The following PRKG1 variants were observed in gnomAD, a reference collection of about 807,000 sequenced individuals.
The protein encoded by PRKG1 is cGMP-dependent protein kinase 1.
A neutral mutation model predicts 88.1 loss-of-function variants in PRKG1; 35 were observed. That is an observed-to-expected ratio of 0.40 (90% CI 0.30 to 0.53). The LOEUF (loss-of-function observed/expected upper bound fraction) is 0.53. Among genes scored for constraint, PRKG1 ranks in the 20% least tolerant of loss-of-function variants. The probability of loss-of-function intolerance (pLI) is 0.59; values close to 1 mark genes in which losing one functional copy is unlikely to be tolerated. For synonymous variants in PRKG1, 303 were observed against 292.5 expected (o/e 1.04, Z -0.37); for missense variants, 540 against 839.8 (o/e 0.64, Z 4.41).
chr10:51,942,402 T>G (rs1485952777), intron 5 of PRKG1, among the ~76,000 whole-genome samples: 9 of 150,982 alleles, frequency 6.0e-5, no homozygotes, highest in East Asian at 3.9e-4. Context: ...TTTTGTAGGT[T>G]GCCTGTTCAC....
intron 7 of PRKG1, among the ~76,000 whole-genome samples, chr10:52,072,985 G>T (rs966459413): frequency 2.0e-5 from 3 of 152,196 alleles, no homozygotes; most frequent in Non-Finnish European, 2.9e-5. Flanking sequence ...AGGTCTGTAG[G>T]CTAGACATCC....
intron 5 of PRKG1, among the ~76,000 whole-genome samples, chr10:51,939,329 T>A (rs1419806490): frequency 6.6e-6 from 1 of 152,060 alleles, no homozygotes; most frequent in East Asian, 1.9e-4. Context: ...TGAGAATCCT[T>A]CTGCCTTGTT....
intron 3 of PRKG1, among the ~76,000 whole-genome samples, chr10:51,714,429 G>C (rs576519352): frequency 6.6e-6 from 1 of 152,298 alleles, no homozygotes; most frequent in South Asian, 2.1e-4. Flanking sequence ...AATCAGGTGG[G>C]AGACTTAAGG....
chr10:52,271,326 T>C, intron 10 of PRKG1, 24 bp from the exon 11 acceptor site: 1 of 1,608,254 alleles, frequency 6.2e-7, no homozygotes. Context: ...GGCTTTTTCT[T>C]ACTCTCTTCT....
intron 5 of PRKG1, among the ~76,000 whole-genome samples, chr10:52,030,702 G>A (rs775511597): frequency 5.3e-5 from 8 of 152,146 alleles, no homozygotes; most frequent in Admixed American, 6.5e-5. Flanking sequence ...CATAGGACAC[G>A]ACCATGCTAT....
chr10:52,161,936 C>T lies in PRKG1; in HGVS notation c.1049C>T (p.Ala350Val), dbSNP rs1242409005. 1.2e-6 allele frequency: 2 copies of T among 1,612,266 alleles called. No individual in the cohort carries two copies. Among genetic ancestry groups the T allele is most frequent in the Non-Finnish European group, 1.7e-6 (2 of 1,179,284 alleles). ...IGGLDDVSNK[A>V]YEDAEAKAKY... is the part of the protein sequence containing the mutation. ...GGGCTGGATGATGTTTCTAATAAAG[C>T]ATATGAAGATGCAGAAGCTAAAGCA... Residue 350 changes from alanine to valine, a missense_variant, in exon 9 of 18, where the codon GCA (alanine) becomes GTA (valine). Ala to Val is a moderately conservative substitution (Grantham distance 64, BLOSUM62 0). Coordinates refer to ENST00000373980, the MANE Select transcript of PRKG1 (RefSeq NM_006258.4).
intron 8 of PRKG1, 106 bp downstream of exon 8, chr10:52,134,011 T>C: frequency 1.2e-6 from 1 of 842,106 alleles, no homozygotes; most frequent in Non-Finnish European, 1.8e-6. Context: ...TTGTTTTATA[T>C]CTTTTCATTT....
intron 3 of PRKG1, among the ~76,000 whole-genome samples, chr10:51,581,941 A>C (rs772266141): frequency 1.3e-5 from 2 of 152,156 alleles, no homozygotes; most frequent in Non-Finnish European, 2.9e-5. Flanking sequence ...CATTAAAAAA[A>C]AAAATGGGCT....
intron 2 of PRKG1, among the ~76,000 whole-genome samples, chr10:51,389,976 G>A (rs1837355765): frequency 6.6e-6 from 1 of 152,144 alleles, no homozygotes. Flanking sequence ...CAGTCCACTG[G>A]CCATATGCAA....
rs569706342 is a variant in PRKG1, at chr10:52,282,518, A to C, written c.1709+202A>C. The stretch of plus-strand genomic sequence containing the variant: ...GGCTAGGGCAACCACCTGAACACTA[A>C]CTTTTGGTCTCATTATTGCTACTTC... On this transcript the variant is annotated intron_variant, in intron 14 of 17. Coordinates refer to ENST00000373980, the MANE Select transcript of PRKG1 (RefSeq NM_006258.4). Among the ~76,000 whole-genome samples, 9 of 152,236 alleles carry C rather than the reference A, an allele frequency of 5.9e-5. No homozygotes were observed. The East Asian group carries it at 1.5e-3, about 26-fold the overall frequency.
chr10:52,035,205 C>T (rs900850670), intron 5 of PRKG1, among the ~76,000 whole-genome samples: 6 of 152,036 alleles, frequency 3.9e-5, no homozygotes, highest in African/African-American at 1.5e-4. Flanking sequence ...TCTACCTATC[C>T]AGTGAAAGTA....
chr10:51,549,828 C>G (rs1842537187), intron 3 of PRKG1, among the ~76,000 whole-genome samples: 2 of 152,036 alleles, frequency 1.3e-5, no homozygotes, highest in African/African-American at 4.8e-5. Flanking sequence ...AAGTTTTTAG[C>G]CTTCCGATAA....
chr10:51,688,344 C>T (rs568123847), intron 3 of PRKG1, among the ~76,000 whole-genome samples: 1 of 152,046 alleles, frequency 6.6e-6, no homozygotes, highest in South Asian at 2.1e-4. Context: ...ATTCTGTTCT[C>T]CTCAGTATAT....
At chr10:51,850,263 G>A (rs965403612) in intron 4 of PRKG1, among the ~76,000 whole-genome samples, 1 of 152,122 alleles carries the variant, frequency 6.6e-6, no homozygotes, top group Admixed American at 6.5e-5. Context: ...TGCAAACTCT[G>A]CATCCCGGGT....
chr10:51,274,486 C>G (rs937427751), intron 2 of PRKG1, among the ~76,000 whole-genome samples: 2 of 152,198 alleles, frequency 1.3e-5, no homozygotes, highest in African/African-American at 4.8e-5. Flanking sequence ...ATCTCCTAGT[C>G]ATTCTCTCTG....
chr10:51,779,034 G>A (rs1385414291), intron 3 of PRKG1, among the ~76,000 whole-genome samples: 2 of 152,142 alleles, frequency 1.3e-5, no homozygotes, highest in Non-Finnish European at 2.9e-5. Context: ...GAAACAGAAG[G>A]AACAGAACTT....
chr10:51,679,641 C>A (rs1840793349), intron 3 of PRKG1, among the ~76,000 whole-genome samples: 2 of 151,476 alleles, frequency 1.3e-5, no homozygotes, highest in African/African-American at 4.9e-5. Flanking sequence ...TTCCCCACAT[C>A]ACCAAACCAT....
At chr10:51,101,036 G>A (rs901664732) in intron 1 of PRKG1, among the ~76,000 whole-genome samples, 6 of 152,024 alleles carry the variant, frequency 3.9e-5, no homozygotes, top group African/African-American at 7.2e-5. Flanking sequence ...CATCCCTCTC[G>A]CTAGGCACTA....
At chr10:52,234,423 T>A (rs1039574770) in intron 9 of PRKG1, among the ~76,000 whole-genome samples, 2 of 151,786 alleles carry the variant, frequency 1.3e-5, no homozygotes, top group Non-Finnish European at 2.9e-5. Flanking sequence ...TTGAAAAAAA[T>A]TTAGAAGCAT....
Sources: allele counts gnomAD v4.1 joint callset (sites outside exome capture counted in the v4.1 genomes callset), GRCh38; gene constraint gnomAD v4.1.1; transcripts MANE v1.5; gene names NCBI Gene and HGNC (gene_info 2026-07-23, HGNC 2026-07-21).